Variants in UQCC6 observed in about 807,000 individuals in gnomAD.
UQCC6 encodes the protein ubiquinol-cytochrome c reductase complex assembly factor 6.
the UQCC6 span, chr12:103,951,569 T>A: frequency 6.5e-7 from 1 of 1,550,220 alleles, no homozygotes; most frequent in Non-Finnish European, 8.7e-7. Flanking sequence ...GTGTTTTCTT[T>A]CTTTCAGTCC....
At chr12:103,956,618 C>G in the UQCC6 span, 1 of 1,520,550 alleles carries the variant, frequency 6.6e-7, no homozygotes, top group Non-Finnish European at 8.9e-7. Context: ...AATAGTAGCC[C>G]TCCCGCACTC....
chr12:103,961,180 TA>T, the UQCC6 span, among the ~76,000 whole-genome samples: 100,653 of 148,482 alleles, frequency 0.68, 33,842 homozygotes, highest in South Asian at 0.7. Context: ...TTTTTAAAAG[TA>T]AAAAAAAAAA....
chr12:103,953,102 G>T, the UQCC6 span, among the ~76,000 whole-genome samples: 1 of 152,202 alleles, frequency 6.6e-6, no homozygotes, highest in Non-Finnish European at 1.5e-5. Context: ...TCACTCAAGT[G>T]TACAGAGATG....
At chr12:103,953,914 C>A in the UQCC6 span, among the ~76,000 whole-genome samples, 1 of 152,242 alleles carries the variant, frequency 6.6e-6, no homozygotes, top group East Asian at 1.9e-4. Context: ...TATTCCTGCA[C>A]AAGCTATAGA....
the UQCC6 span, among the ~76,000 whole-genome samples, chr12:103,952,301 T>C: frequency 0.41 from 62,311 of 152,022 alleles, 14,028 homozygotes; most frequent in African/African-American, 0.59. Flanking sequence ...TATGTGGTCC[T>C]CTGTGTTCTT....
At chr12:103,958,567 T>G in the UQCC6 span, among the ~76,000 whole-genome samples, 2 of 152,204 alleles carry the variant, frequency 1.3e-5, no homozygotes, top group African/African-American at 4.8e-5. Context: ...ATGTACTATT[T>G]TTTGTGTTGC....
the UQCC6 span, among the ~76,000 whole-genome samples, chr12:103,957,635 G>A: frequency 6.6e-6 from 1 of 152,242 alleles, no homozygotes; most frequent in East Asian, 1.9e-4. Flanking sequence ...CATCCAGACA[G>A]CTGTGGCCTT....
the UQCC6 span, among the ~76,000 whole-genome samples, chr12:103,958,725 G>A: frequency 6.6e-6 from 1 of 152,094 alleles, no homozygotes; most frequent in Admixed American, 6.5e-5. Flanking sequence ...AGTTGTTGGT[G>A]TGTAAATAAA....
At chr12:103,961,748 T>C in the UQCC6 span, among the ~76,000 whole-genome samples, 6 of 151,194 alleles carry the variant, frequency 4.0e-5, no homozygotes, top group South Asian at 2.1e-4. Context: ...TTAGTAAAGA[T>C]AGGGTTTCAC....
At chr12:103,958,933 G>A in the UQCC6 span, among the ~76,000 whole-genome samples, 1 of 152,040 alleles carries the variant, frequency 6.6e-6, no homozygotes, top group Admixed American at 6.6e-5. Flanking sequence ...TGATTAATTT[G>A]CCCTTTATTG....
the UQCC6 span, chr12:103,955,828 C>CTCCCCAAGACTCTAAT: frequency 1.3e-5 from 6 of 455,212 alleles, no homozygotes; most frequent in Middle Eastern, 3.2e-4. Context: ...TCATCTCCAC[C>CTCCCCAAGACTCTAAT]TCCCCAAGAC....
At chr12:103,953,418 A>T in the UQCC6 span, 1,635 of 702,342 alleles carry the variant, frequency 2.3e-3, 26 homozygotes, top group African/African-American at 0.026. Flanking sequence ...AAGCACCTGT[A>T]GCAGTTCTCC....
the UQCC6 span, among the ~76,000 whole-genome samples, chr12:103,963,372 G>A: frequency 6.6e-6 from 1 of 152,112 alleles, no homozygotes; most frequent in Admixed American, 6.5e-5. Flanking sequence ...CACTGCGCCC[G>A]GCTAACACTG....
the UQCC6 span, among the ~76,000 whole-genome samples, chr12:103,955,268 G>A: frequency 6.6e-6 from 1 of 152,276 alleles, no homozygotes; most frequent in East Asian, 1.9e-4. Flanking sequence ...AGTGAGCTCA[G>A]ATTGTGCCAC....
At chr12:103,960,339 G>C in the UQCC6 span, among the ~76,000 whole-genome samples, 4 of 152,112 alleles carry the variant, frequency 2.6e-5, no homozygotes, top group African/African-American at 9.7e-5. Context: ...TTCCCAAAGT[G>C]CTGAGATTAC....
chr12:103,958,272 T>G, the UQCC6 span, among the ~76,000 whole-genome samples: 2 of 151,520 alleles, frequency 1.3e-5, no homozygotes, highest in South Asian at 4.1e-4. Flanking sequence ...GTTGTATGTA[T>G]GACAAATCAT....
At chr12:103,963,277 T>C in the UQCC6 span, among the ~76,000 whole-genome samples, 1 of 152,132 alleles carries the variant, frequency 6.6e-6, no homozygotes, top group Non-Finnish European at 1.5e-5. Flanking sequence ...GGTTTCACCA[T>C]GCTGGCCAGG....
the UQCC6 span, chr12:103,957,320 T>A: frequency 6.6e-6 from 1 of 151,582 alleles, no homozygotes; most frequent in Non-Finnish European, 1.5e-5. Context: ...CTTTTTTTTT[T>A]TTTAAACCAA....
chr12:103,955,241 C>T, the UQCC6 span, among the ~76,000 whole-genome samples: 1 of 152,152 alleles, frequency 6.6e-6, no homozygotes, highest in Non-Finnish European at 1.5e-5. Context: ...TGCTTGAACC[C>T]GGAAGGCAGA....
Sources: gnomAD v4.1 joint callset for allele counts (sites outside exome capture counted in the v4.1 genomes callset) on GRCh38, gnomAD v4.1.1 for gene constraint, MANE v1.5 for transcripts, NCBI Gene and HGNC (gene_info 2026-07-23, HGNC 2026-07-21) for gene names.